Variants in RAD54L2 observed in about 807,000 individuals in gnomAD.
RAD54L2 encodes helicase ARIP4.
A neutral mutation model predicts 138.4 loss-of-function variants in RAD54L2; 27 were observed. The ratio of observed to expected loss-of-function variants is 0.20; its 90% confidence interval spans 0.14 to 0.27. RAD54L2 has a LOEUF of 0.27. RAD54L2 is among the 10% of genes least tolerant of loss of function. RAD54L2 has a pLI of 1.00. For synonymous variants in RAD54L2, 644 were observed against 723.2 expected, an observed-to-expected ratio of 0.89 and a Z score of 1.76; for missense variants, 1,396 against 1,890.2, an observed-to-expected ratio of 0.74 and a Z score of 4.85.
intron 9 of RAD54L2, 132 bp from the exon 10 acceptor site, chr3:51,635,461 T>C: frequency 1.0e-6 from 1 of 1,003,194 alleles, no homozygotes; most frequent in Non-Finnish European, 1.4e-6. Flanking sequence ...CATGAAATCT[T>C]TGGTAATAAG....
At position 51,667,183 on chromosome 3, in the gene RAD54L2, T is replaced by C. The variant is rs1577479576; in HGVS notation, c.*3763T>C. 1 of 150,898 alleles carries C rather than the reference T, an allele frequency of 6.6e-6. No individual in the cohort carries two copies. Among genetic ancestry groups the C allele is most frequent in the Non-Finnish European group, 1.5e-5 (1 of 68,064 alleles). 9.3% of individuals were successfully genotyped at this position (150,898 alleles called of 1,614,324 possible). A position where few individuals can be genotyped will look rare whatever the true frequency, so the allele number is the denominator to read the frequency against. On this transcript the variant is annotated 3_prime_UTR_variant, in exon 23 of 23. Transcript: ENST00000684192. ...CTTCCCACTTCCTTTTTTTTTTTTT[T>C]GAGACAGAGTCTTGCTCTGTCACCC...
chr3:51,627,673 G>A lies in RAD54L2; in HGVS notation c.260G>A (p.Arg87His), dbSNP rs565205386. Residue 87 changes from arginine (R) to histidine (H), a missense_variant, in exon 4 of 23, where the codon CGC becomes CAC. Coordinates refer to ENST00000684192, the MANE Select transcript of RAD54L2 (RefSeq NM_015106.4). Reference protein sequence around the residue: ...SQSEPSEQLRRHQGKNLASED... With the variant: ...SQSEPSEQLRHHQGKNLASED... Reference sequence around the variant, plus strand: ...TCTGAGCCTTCAGAGCAGCTTAGGCGCCACCAAGGCAAGAACCTAGCCTCC... The same window carrying A: ...TCTGAGCCTTCAGAGCAGCTTAGGCACCACCAAGGCAAGAACCTAGCCTCC... The A allele has an allele frequency of 7.4e-6, 12 of 1,611,226 alleles. No homozygotes were observed. Among genetic ancestry groups the A allele is most frequent in the East Asian group, 2.2e-5 (1 of 44,716 alleles).
chr3:51,623,443 G>A (rs1700608015), intron 3 of RAD54L2, among the ~76,000 whole-genome samples: 1 of 152,108 alleles, frequency 6.6e-6, no homozygotes, highest in South Asian at 2.1e-4. Flanking sequence ...GGCAGATAAG[G>A]GTTTGAAGAA....
In RAD54L2 at chr3:51,605,274, A is replaced by T. The variant is rs138792810; in HGVS notation, c.139+14715A>T. On this transcript the variant is annotated intron_variant, in intron 3 of 22. Transcript: ENST00000684192. The stretch of plus-strand genomic sequence containing the variant: ...CCAGCTAATTTTGTATTTTTAGTAG[A>T]GATGGGGTTTCACCATGTTAGCCAG... Among the ~76,000 whole-genome samples, 93 of 151,670 alleles carry T rather than the reference A, an allele frequency of 6.1e-4. No homozygotes were observed. In the East Asian group the frequency reaches 0.016, roughly 26 times the overall value.
intron 3 of RAD54L2, among the ~76,000 whole-genome samples, chr3:51,601,643 C>G (rs1332951212): frequency 6.6e-6 from 1 of 151,728 alleles, no homozygotes; most frequent in Non-Finnish European, 1.5e-5. Flanking sequence ...GGGGTTTCAC[C>G]ATGTTGGCCA....
chr3:51,608,123 C>A (rs2106751601), intron 3 of RAD54L2, among the ~76,000 whole-genome samples: 1 of 151,082 alleles, frequency 6.6e-6, no homozygotes, highest in Non-Finnish European at 1.5e-5. Context: ...GGCGGCCGGT[C>A]AGAGACGCTC....
intron 2 of RAD54L2, among the ~76,000 whole-genome samples, chr3:51,573,798 A>C (rs532242184): frequency 3.3e-5 from 5 of 152,092 alleles, no homozygotes; most frequent in Non-Finnish European, 5.9e-5. Flanking sequence ...TAGGGAAAGA[A>C]ATTTTTATTT....
intron 9 of RAD54L2, among the ~76,000 whole-genome samples, chr3:51,634,881 T>C (rs894050106): frequency 1.3e-5 from 2 of 152,226 alleles, no homozygotes; most frequent in Admixed American, 6.5e-5. Context: ...TCTAAAGCTA[T>C]TTCTTGATCC....
At chr3:51,619,403 A>T (rs192248825) in intron 3 of RAD54L2, among the ~76,000 whole-genome samples, 1 of 152,202 alleles carries the variant, frequency 6.6e-6, no homozygotes, top group East Asian at 1.9e-4. Flanking sequence ...AAGGTCTCAT[A>T]GGCCTGCTCT....
intron 3 of RAD54L2, among the ~76,000 whole-genome samples, chr3:51,618,607 A>G (rs983950325): frequency 1.3e-5 from 2 of 152,126 alleles, no homozygotes; most frequent in Non-Finnish European, 2.9e-5. Flanking sequence ...CAGAGAAACT[A>G]TACTTAAGAA....
intron 2 of RAD54L2, among the ~76,000 whole-genome samples, chr3:51,577,702 A>G (rs900927039): frequency 6.6e-6 from 1 of 152,088 alleles, no homozygotes; most frequent in African/African-American, 2.4e-5. Flanking sequence ...TGCTTGGTAG[A>G]TCTTCCTCCA....
chr3:51,644,684 C>T (rs1701227390), intron 16 of RAD54L2, among the ~76,000 whole-genome samples: 1 of 152,218 alleles, frequency 6.6e-6, no homozygotes, highest in Non-Finnish European at 1.5e-5. Context: ...CAGTCATTCC[C>T]CTAAGCTGTT....
chr3:51,660,722 A>G (rs1701745097), intron 22 of RAD54L2, among the ~76,000 whole-genome samples: 1 of 148,892 alleles, frequency 6.7e-6, no homozygotes, highest in Non-Finnish European at 1.5e-5. Flanking sequence ...CCCAGGTTCA[A>G]GTGATTCTCC....
Position 51,663,247 on chromosome 3 carries a change from C to T in RAD54L2, c.4231C>T (p.Arg1411Trp), listed in dbSNP as rs747266400. 65 of 1,613,858 alleles carry T rather than the reference C, an allele frequency of 4.0e-5. No homozygotes were observed. Among genetic ancestry groups the T allele is most frequent in the African/African-American group, 5.3e-5 (4 of 74,902 alleles). Reference sequence around the variant, plus strand: ...CCCTGTCTTGCCCAGCAACCTTTCGCGGGGCATGTCTATCTATCCAGGCTA... The same window carrying T: ...CCCTGTCTTGCCCAGCAACCTTTCGTGGGGCATGTCTATCTATCCAGGCTA... ...PSPVLPSNLS[R>W]GMSIYPGYMS... The change falls in exon 23 of 23, where the codon CGG becomes TGG. Residue 1411 changes from arginine (R) to tryptophan (W), a missense_variant. By Grantham distance (101) the Arg-to-Trp change is moderately radical. Transcript: ENST00000684192.
At position 51,655,975 on chromosome 3, in the gene RAD54L2, C is replaced by T. The variant is rs1386509318; in HGVS notation, c.3031C>T (p.Pro1011Ser). The change falls in exon 20 of 23, where the codon CCA (proline) becomes TCA (serine). Residue 1011 changes from proline (P) to serine (S), a missense_variant. Around this residue, in one of 7 missense-constraint regions of RAD54L2, gnomAD observed 634 missense variants for 711.2 expected, o/e 0.89. Transcript: ENST00000684192. ...GTCCTTGTCTTTCTCTTACAGGCAG[C>T]CAACTTTGAAGGGTGATGAAAAGCC... is the stretch of plus-strand genomic sequence containing the variant. ...IPAFSQRNWQPTLKGDEKPVA... is the reference protein window; with the variant it reads ...IPAFSQRNWQSTLKGDEKPVA... 1 of 1,597,068 alleles carries T rather than the reference C, an allele frequency of 6.3e-7. No homozygotes were observed. The highest frequency in any genetic ancestry group is 8.6e-7 in the Non-Finnish European group (1 of 1,168,458).
Position 51,663,332 on chromosome 3 carries a change from T to C in RAD54L2, c.4316T>C (p.Phe1439Ser). The change falls in exon 23 of 23, where the codon TTT (phenylalanine) becomes TCT (serine). Residue 1439 changes from phenylalanine to serine, a missense_variant. Physicochemically the swap from Phe to Ser is radical, Grantham distance 155. Coordinates refer to ENST00000684192, the MANE Select transcript of RAD54L2 (RefSeq NM_015106.4). ...GGLLRSQVPP[F>S]DSHEVAEVGF... ...CTCCTACGGTCCCAGGTGCCTCCAT[T>C]TGACTCTCATGAGGTTGCCGAGGTT... 3 of 1,613,770 alleles carry C rather than the reference T, an allele frequency of 1.9e-6. No individual in the cohort carries two copies. The highest frequency in any genetic ancestry group is 2.5e-6 in the Non-Finnish European group (3 of 1,179,840).
chr3:51,550,800 G>T (rs1698815781), intron 2 of RAD54L2, among the ~76,000 whole-genome samples: 1 of 152,122 alleles, frequency 6.6e-6, no homozygotes, highest in South Asian at 2.1e-4. Context: ...CCAGCATTTT[G>T]GTTTGGGAGG....
chr3:51,552,311 A>G (rs1267556215), intron 2 of RAD54L2, among the ~76,000 whole-genome samples: 2 of 151,708 alleles, frequency 1.3e-5, no homozygotes, highest in African/African-American at 2.4e-5. Context: ...CGCCCAGGCT[A>G]GAGTGCAGTG....
At chr3:51,606,672 A>C (rs1218243665) in intron 3 of RAD54L2, among the ~76,000 whole-genome samples, 1 of 149,150 alleles carries the variant, frequency 6.7e-6, no homozygotes, top group East Asian at 2.0e-4. Flanking sequence ...TTTTTTTTTT[A>C]TGTATCTATG....
Sources: allele counts gnomAD v4.1 joint callset (sites outside exome capture counted in the v4.1 genomes callset), GRCh38; gene constraint gnomAD v4.1.1; regional missense constraint gnomAD v4.1.1; transcripts MANE v1.5; gene names NCBI Gene and HGNC (gene_info 2026-07-23, HGNC 2026-07-21).